Variants in NDUFA10 observed in about 807,000 individuals in gnomAD.
NDUFA10 encodes NADH:ubiquinone oxidoreductase subunit A10.
NDUFA10 carries 40 observed loss-of-function variants against 47.8 expected under a neutral mutation model. That is an observed-to-expected ratio of 0.84 (90% CI 0.65 to 1.09). NDUFA10 has a LOEUF of 1.09. NDUFA10 is among the 50% of genes least tolerant of loss of function. The pLI, the probability that NDUFA10 is intolerant of heterozygous loss-of-function variation, is 0.00. For synonymous variants in NDUFA10, 183 were observed against 172.2 expected (o/e 1.06, Z -0.49); for missense variants, 413 against 451.1 (o/e 0.92, Z 0.76).
intron 9 of NDUFA10, chr2:239,973,560 T>C (rs920265266): frequency 1.7e-5 from 8 of 469,032 alleles, no homozygotes; most frequent in Admixed American, 1.4e-4. Flanking sequence ...CACGATCAGC[T>C]TCAAGGAGGG....
intron 8 of NDUFA10, among the ~76,000 whole-genome samples, chr2:239,991,664 A>G (rs958841199): frequency 5.3e-5 from 8 of 152,220 alleles, no homozygotes; most frequent in African/African-American, 1.7e-4. Context: ...GCATGTGTCA[A>G]TAATCTACAA....
At chr2:240,000,436 A>T (rs1381905293) in intron 8 of NDUFA10, among the ~76,000 whole-genome samples, 4 of 152,276 alleles carry the variant, frequency 2.6e-5, no homozygotes, top group Admixed American at 6.5e-5. Flanking sequence ...AAATAATTTT[A>T]AAAATCAGAA....
At chr2:239,905,602 C>T (rs1559266983) in intron 4 of NDUFA10, among the ~76,000 whole-genome samples, 1 of 151,974 alleles carries the variant, frequency 6.6e-6, no homozygotes, top group Non-Finnish European at 1.5e-5. Context: ...CGCAGCAAAG[C>T]CTGAGGTCAG....
chr2:240,011,816 ACT>A (rs1697156661), intron 5 of NDUFA10, 120 bp from the exon 6 acceptor site: 6 of 836,832 alleles, frequency 7.2e-6, no homozygotes, highest in African/African-American at 1.7e-5. Flanking sequence ...CACACCGGGC[ACT>A]GTGGGGACTG....
At chr2:239,900,587 A>AAAC (rs1693526379) in intron 4 of NDUFA10, among the ~76,000 whole-genome samples, 1 of 151,284 alleles carries the variant, frequency 6.6e-6, no homozygotes, top group Non-Finnish European at 1.5e-5. Flanking sequence ...AGGAAAAAAA[A>AAAC]AACCCATGTG....
chr2:239,947,185 C>A (rs566072237), intron 4 of NDUFA10, among the ~76,000 whole-genome samples: 13 of 152,344 alleles, frequency 8.5e-5, no homozygotes, highest in African/African-American at 3.1e-4. Flanking sequence ...GGGGCCGTCC[C>A]GCCTGCTCAC....
At chr2:239,999,944 T>C (rs141843326) in intron 8 of NDUFA10, among the ~76,000 whole-genome samples, 1 of 152,352 alleles carries the variant, frequency 6.6e-6, no homozygotes, top group Non-Finnish European at 1.5e-5. Flanking sequence ...AAGATTCTAG[T>C]GGAGCTGAAC....
chr2:240,007,267 C>T (rs767192188), intron 7 of NDUFA10, 49 bp downstream of exon 7: 4 of 1,359,816 alleles, frequency 2.9e-6, no homozygotes, highest in Non-Finnish European at 4.2e-6. Flanking sequence ...GAACCTTACA[C>T]ATGAATCAAA....
chr2:239,915,363 A>ACT (rs1693843314), intron 4 of NDUFA10, among the ~76,000 whole-genome samples: 1 of 147,250 alleles, frequency 6.8e-6, no homozygotes. Context: ...ACACAAATAT[A>ACT]CAGACACACA....
At position 239,983,634 on chromosome 2, in the gene NDUFA10, G is replaced by A. The variant is rs759828852; in HGVS notation, c.999+6440C>T. 42 of 1,583,648 alleles carry A rather than the reference G, an allele frequency of 2.7e-5. 1 individual carries two copies. In the South Asian group the frequency reaches 3.9e-4, roughly 15 times the overall value. ...GCCAGGAGCCCACGGTCAGGGCCAC[G>A]GTGCCAGGCTGCACTGACAGCAAGT... On this transcript the variant is annotated intron_variant, in intron 9 of 9. Transcript: ENST00000252711.
At chr2:239,963,440 TGACAA>T (rs1006369346) in intron 9 of NDUFA10, among the ~76,000 whole-genome samples, 19 of 152,326 alleles carry the variant, frequency 1.2e-4, no homozygotes, top group Non-Finnish European at 2.4e-4. Flanking sequence ...CTTCACAGTC[TGACAA>T]GACCTTTGGC....
At chr2:240,008,387 T>C (rs939534982) in intron 6 of NDUFA10, among the ~76,000 whole-genome samples, 2 of 152,234 alleles carry the variant, frequency 1.3e-5, no homozygotes, top group African/African-American at 4.8e-5. Context: ...CATTTGCCAT[T>C]AGGGCTGGCA....
intron 9 of NDUFA10, among the ~76,000 whole-genome samples, chr2:239,974,175 C>T (rs995380113): frequency 3.9e-5 from 6 of 152,176 alleles, no homozygotes; most frequent in Non-Finnish European, 8.8e-5. Flanking sequence ...GTCATCCGCC[C>T]GCCTCAACCT....
chr2:239,912,810 A>G (rs552174328), intron 4 of NDUFA10, among the ~76,000 whole-genome samples: 32 of 152,160 alleles, frequency 2.1e-4, no homozygotes, highest in African/African-American at 2.9e-4. Flanking sequence ...CCTGGGTGTC[A>G]ATGTCCATCC....
intron 4 of NDUFA10, among the ~76,000 whole-genome samples, chr2:239,905,545 G>A (rs1323716197): frequency 6.6e-6 from 1 of 152,264 alleles, no homozygotes; most frequent in Non-Finnish European, 1.5e-5. Context: ...ACTGAGCAAT[G>A]CTGATTGACA....
rs11541494 is a variant in NDUFA10 at position 240,025,297 on chromosome 2, G to C, written c.5C>G (p.Ala2Gly). The change falls in exon 1 of 10, where the codon GCC (alanine) becomes GGC (glycine). Residue 2 changes from alanine to glycine, a missense_variant. Ala to Gly is a moderately conservative substitution (Grantham distance 60). Coordinates refer to ENST00000252711, the MANE Select transcript of NDUFA10 (RefSeq NM_004544.4). M[A>G]LRLLKLAATS... ...CGCTGCCAGCTTCAGGAGCCGCAAG[G>C]CCATGGCTACCCGGTCAGCTCAGGA... 0.15 allele frequency: 224,926 copies of C among 1,505,430 alleles called. 17,829 individuals carry two copies. Among genetic ancestry groups the C allele is most frequent in the South Asian group, 0.16 (12,736 of 80,008 alleles). The allele number at this position is 1,505,430 out of a possible 1,614,324, so 93.3% of individuals were successfully genotyped here.
rs1380084722 is a variant in NDUFA10 at position 239,967,977 on chromosome 2, T to TACACACAC, written c.1000-6792_1000-6791insGTGTGTGT. 7.6e-3 allele frequency among the ~76,000 whole-genome samples: 1,057 copies of TACACACAC among 139,598 alleles called. 4 individuals are homozygous for TACACACAC. Among genetic ancestry groups the TACACACAC allele is most frequent in the Middle Eastern group, 0.011 (3 of 276 alleles). The allele number at this position is 139,598 out of a possible 152,430, so 91.6% of individuals were successfully genotyped here. On this transcript the variant is annotated intron_variant, in intron 9 of 9. Transcript: ENST00000252711. ...CACAGAAATCAGTCAAGGAAAAAAATATACACACACACACACACACACACA... is the reference window on the plus strand; with the variant it reads ...CACAGAAATCAGTCAAGGAAAAAAATACACACACATACACACACACACACACACACACA...
chr2:239,903,210 T>C (rs1037727964), intron 4 of NDUFA10, among the ~76,000 whole-genome samples: 4 of 152,300 alleles, frequency 2.6e-5, no homozygotes, highest in African/African-American at 9.6e-5. Context: ...CCTTCCCCAC[T>C]GAGGAACATT....
intron 9 of NDUFA10, among the ~76,000 whole-genome samples, chr2:239,964,456 G>A (rs1338599782): frequency 6.6e-6 from 1 of 152,196 alleles, no homozygotes; most frequent in Non-Finnish European, 1.5e-5. Context: ...TTAGGAGGAT[G>A]CATGTGTATT....
Sources: allele counts gnomAD v4.1 joint callset (sites outside exome capture counted in the v4.1 genomes callset), GRCh38; gene constraint gnomAD v4.1.1; transcripts MANE v1.5; gene names NCBI Gene and HGNC (gene_info 2026-07-23, HGNC 2026-07-21).